The following TTBK2 variants were observed in gnomAD, a reference collection of about 807,000 sequenced individuals.
The protein encoded by TTBK2 is tau tubulin kinase 2.
A neutral mutation model predicts 110.8 loss-of-function variants in TTBK2; 28 were observed. That is an observed-to-expected ratio of 0.25 (90% confidence interval 0.19 to 0.35). The LOEUF (loss-of-function observed/expected upper bound fraction) is 0.35, where lower values mean the gene tolerates loss of function less well. TTBK2 is among the 10% of genes least tolerant of loss of function. TTBK2 has a pLI of 1.00. For missense variants in TTBK2, 1,369 were observed against 1,500.3 expected (o/e 0.91, Z 1.45); for synonymous variants, 532 against 527.3 (o/e 1.01, Z -0.12).
At chr15:42,853,891 A>T (rs576816920) in intron 3 of TTBK2, among the ~76,000 whole-genome samples, 88 of 137,298 alleles carry the variant, frequency 6.4e-4, no homozygotes, top group African/African-American at 2.9e-3. Flanking sequence ...AAAAAAAAAT[A>T]AAAAATAAAA....
chr15:42,899,734 T>C (rs935468030), intron 1 of TTBK2, among the ~76,000 whole-genome samples: 2 of 148,352 alleles, frequency 1.3e-5, no homozygotes, highest in Non-Finnish European at 3.0e-5. Flanking sequence ...CAAGACTCCA[T>C]ACAAAAAAAG....
At chr15:42,781,865 A>G (rs184142259) in intron 11 of TTBK2, among the ~76,000 whole-genome samples, 6 of 152,302 alleles carry the variant, frequency 3.9e-5, no homozygotes, top group Non-Finnish European at 7.4e-5. Flanking sequence ...TAAATATAGA[A>G]GGAATATGTT....
rs1411038561 is a variant in TTBK2, at chr15:42,764,015, G to A, written c.1999-10768C>T. 2.0e-5 allele frequency among the ~76,000 whole-genome samples: 3 copies of A among 152,056 alleles called. No homozygotes were observed. In the East Asian group the frequency reaches 5.8e-4, roughly 29 times the overall value. On this transcript the variant is annotated intron_variant, in intron 13 of 14. Transcript: ENST00000267890. Reference sequence around the variant, plus strand: ...CAAAGAATAGAAGCCCAGAAAAGATGGACTAAAACAAAAATATTTTTTGGC... The same window carrying A: ...CAAAGAATAGAAGCCCAGAAAAGATAGACTAAAACAAAAATATTTTTTGGC...
intron 1 of TTBK2, among the ~76,000 whole-genome samples, chr15:42,907,261 C>T (rs1032512836): frequency 3.3e-5 from 5 of 152,020 alleles, no homozygotes; most frequent in African/African-American, 7.2e-5. Flanking sequence ...ACTATGGAGG[C>T]GCTATAGAGG....
rs1432791694 is a variant in TTBK2, at chr15:42,741,312, T to A, written c.*4483A>T. ...GCTGATGGTTGGAACTGCCTTTAGT[T>A]CTCTAAGTAAAGGTCTAAAAATGCA... On this transcript the variant is annotated 3_prime_UTR_variant, in exon 15 of 15. Transcript: ENST00000267890. 2 of 152,188 alleles carry A rather than the reference T, an allele frequency of 1.3e-5. No individual in the cohort carries two copies. The highest frequency in any genetic ancestry group is 4.8e-5 in the African/African-American group (2 of 41,442). The allele number at this position is 152,188 out of a possible 1,614,324, so 9.4% of individuals were successfully genotyped here.
chr15:42,834,871 C>T (rs371435488), intron 4 of TTBK2, among the ~76,000 whole-genome samples: 75 of 151,934 alleles, frequency 4.9e-4, no homozygotes, highest in East Asian at 3.3e-3. Context: ...AGTGAGATTC[C>T]GTCTCAAAAA....
chr15:42,873,554 T>C (rs918907211), intron 2 of TTBK2, among the ~76,000 whole-genome samples: 33 of 152,052 alleles, frequency 2.2e-4, no homozygotes, highest in African/African-American at 6.3e-4. Context: ...TACCAAACTA[T>C]CCCAGAATTC....
chr15:42,867,825 C>T (rs1030702596), intron 3 of TTBK2, among the ~76,000 whole-genome samples: 56 of 152,200 alleles, frequency 3.7e-4, no homozygotes, highest in African/African-American at 1.2e-3. Context: ...AGCAATAATG[C>T]TCTTTGGTAT....
intron 14 of TTBK2, among the ~76,000 whole-genome samples, chr15:42,748,265 T>G (rs2061821819): frequency 6.6e-6 from 1 of 152,220 alleles, no homozygotes; most frequent in African/African-American, 2.4e-5. Flanking sequence ...GAGATCAGCC[T>G]GGCCAACATG....
rs187903944 is a variant in TTBK2, at chr15:42,893,560, C to T, written c.-67-14876G>A. Among the ~76,000 whole-genome samples, 293 of 151,096 alleles carry T rather than the reference C, an allele frequency of 1.9e-3. 1 individual carries two copies. The highest frequency in any genetic ancestry group is 6.9e-3 in the African/African-American group (285 of 41,276). ...TAAGCACGGAAGTTTCAAATTAAAA[C>T]TATAAGCTTCCACCTAGGGGGAAAA... On this transcript the variant is annotated intron_variant, in intron 1 of 14. Transcript: ENST00000267890.
chr15:42,859,001 C>T (rs1182723220), intron 3 of TTBK2, among the ~76,000 whole-genome samples: 1 of 152,168 alleles, frequency 6.6e-6, no homozygotes, highest in Non-Finnish European at 1.5e-5. Flanking sequence ...TATGCCACAG[C>T]ATTCTGTTCT....
At chr15:42,791,478 T>C (rs552545263) in intron 10 of TTBK2, among the ~76,000 whole-genome samples, 1 of 146,372 alleles carries the variant, frequency 6.8e-6, no homozygotes, top group South Asian at 2.2e-4. Flanking sequence ...TATCTCATTT[T>C]CATTCTCTCA....
intron 2 of TTBK2, among the ~76,000 whole-genome samples, chr15:42,877,904 G>A (rs1894874880): frequency 1.3e-5 from 2 of 151,846 alleles, no homozygotes; most frequent in Non-Finnish European, 2.9e-5. Context: ...AATATTCTGG[G>A]AGAGAGATGA....
At chr15:42,773,021 G>A (rs1889745052) in intron 13 of TTBK2, among the ~76,000 whole-genome samples, 1 of 152,098 alleles carries the variant, frequency 6.6e-6, no homozygotes, top group Non-Finnish European at 1.5e-5. Context: ...TGACAGGTTG[G>A]TGCCAACTTG....
intron 4 of TTBK2, 68 bp from the exon 5 acceptor site, chr15:42,830,146 C>A: frequency 1.9e-6 from 3 of 1,581,678 alleles, no homozygotes; most frequent in East Asian, 4.5e-5. Context: ...GACTGGGAAA[C>A]TACTCACTTA....
intron 14 of TTBK2, among the ~76,000 whole-genome samples, chr15:42,748,396 G>T (rs534537730): frequency 1.3e-5 from 2 of 152,134 alleles, no homozygotes; most frequent in South Asian, 4.2e-4. Flanking sequence ...GGCAGAGGTT[G>T]CAGTGAGCCG....
chr15:42,790,829 A>T (rs1890637064), intron 10 of TTBK2, among the ~76,000 whole-genome samples: 1 of 151,812 alleles, frequency 6.6e-6, no homozygotes, highest in South Asian at 2.1e-4. Context: ...CCTCCGGAGT[A>T]GCTGGGACTA....
At chr15:42,886,406 C>T (rs1468317295) in intron 1 of TTBK2, among the ~76,000 whole-genome samples, 2 of 152,142 alleles carry the variant, frequency 1.3e-5, no homozygotes, top group South Asian at 2.1e-4. Context: ...TTTTCTTTAT[C>T]TGACCTCTCC....
Position 42,878,589 on chromosome 15 carries a change from A to T in TTBK2, c.29T>A (p.Ile10Asn). Residue 10 changes from isoleucine to asparagine, a missense_variant, in exon 2 of 15, where the codon ATC becomes AAC. Coordinates refer to ENST00000267890, the MANE Select transcript of TTBK2 (RefSeq NM_173500.4). The stretch of plus-strand genomic sequence containing the variant: ...TTTCACTAGGATTCCAACACTCAGG[A>T]TATCCAGCTGCTCTCCTCCCCCACT... MSGGGEQLD[I>N]LSVGILVKER... is the part of the protein sequence containing the mutation. The T allele has an allele frequency of 6.2e-7, 1 of 1,613,730 alleles. No individual in the cohort carries two copies. Among genetic ancestry groups the T allele is most frequent in the Admixed American group, 1.7e-5 (1 of 59,980 alleles).
Sources: gnomAD v4.1 joint callset for allele counts (sites outside exome capture counted in the v4.1 genomes callset) on GRCh38, gnomAD v4.1.1 for gene constraint, MANE v1.5 for transcripts, NCBI Gene and HGNC (gene_info 2026-07-23, HGNC 2026-07-21) for gene names.